IQGAP1: variants seen among roughly 807,000 people sequenced by gnomAD.
The protein encoded by IQGAP1 is IQ motif containing GTPase activating protein 1.
A neutral mutation model predicts 215.6 loss-of-function variants in IQGAP1; 66 were observed. The ratio of observed to expected loss-of-function variants is 0.31; its 90% CI spans 0.25 to 0.38. The LOEUF (loss-of-function observed/expected upper bound fraction) is 0.38. Ranked by LOEUF, IQGAP1 falls within the 10% of genes least tolerant of loss-of-function variation. The probability of loss-of-function intolerance (pLI) is 1.00; values close to 1 mark genes in which losing one functional copy is unlikely to be tolerated. For synonymous variants in IQGAP1, 772 were observed against 728.7 expected, an observed-to-expected ratio of 1.06 and a Z score of -0.96; for missense variants, 1,712 against 1,997.1, an observed-to-expected ratio of 0.86 and a Z score of 2.72.
At chr15:90,439,293 A>G in intron 5 of IQGAP1, 39 bp from the exon 6 acceptor site, 1 of 1,558,444 alleles carries the variant, frequency 6.4e-7, no homozygotes. Context: ...AGCTAGGCAC[A>G]GCTGGGAGGC....
chr15:90,486,922 C>G, intron 31 of IQGAP1, 32 bp from the exon 32 acceptor site: 1 of 1,606,974 alleles, frequency 6.2e-7, no homozygotes, highest in Non-Finnish European at 8.5e-7. Flanking sequence ...CTCTTTATTA[C>G]GCTGACTCTT....
intron 2 of IQGAP1, among the ~76,000 whole-genome samples, chr15:90,407,603 G>T (rs980947016): frequency 6.6e-6 from 1 of 152,156 alleles, no homozygotes; most frequent in Non-Finnish European, 1.5e-5. Context: ...TTTAATGGAA[G>T]ATTGTTATGT....
intron 2 of IQGAP1, among the ~76,000 whole-genome samples, chr15:90,398,665 G>A (rs1964760379): frequency 6.6e-6 from 1 of 152,096 alleles, no homozygotes. Context: ...TTAGCTTACA[G>A]TTGGACAAAA....
intron 5 of IQGAP1, among the ~76,000 whole-genome samples, chr15:90,436,161 ACT>A (rs778760966): frequency 1.3e-5 from 2 of 149,502 alleles, no homozygotes; most frequent in African/African-American, 2.5e-5. Context: ...ATAACATTCC[ACT>A]CTCAGATAAG....
Position 90,483,536 on chromosome 15 carries a change from A to G in IQGAP1, c.3731A>G (p.Asp1244Gly). The part of the protein sequence containing the change: ...HAASNKMFLG[D>G]NAHLSIINEY... ...GCTTCCAATAAGATGTTTCTGGGAGATAATGCCCACTTAAGCATCATTAAT... is the reference window on the plus strand; with the variant it reads ...GCTTCCAATAAGATGTTTCTGGGAGGTAATGCCCACTTAAGCATCATTAAT... Residue 1244 changes from aspartate (D) to glycine (G), a missense_variant, in exon 29 of 38, where the codon GAT becomes GGT. Around this residue, in one of 2 missense-constraint regions of IQGAP1, gnomAD observed 691 missense variants for 923.0 expected, o/e 0.75. Coordinates refer to ENST00000268182, the MANE Select transcript of IQGAP1 (RefSeq NM_003870.4). The G allele has an allele frequency of 6.2e-7, 1 of 1,614,180 alleles. No homozygotes were observed. The highest frequency in any genetic ancestry group is 8.5e-7 in the Non-Finnish European group (1 of 1,180,026).
rs1405614337 is a variant in IQGAP1, at chr15:90,454,490, C to G, written c.1550C>G (p.Thr517Arg). Residue 517 changes from threonine (T) to arginine (R), a missense_variant, in exon 14 of 38, where the codon ACA becomes AGA. Thr to Arg is a moderately conservative substitution (Grantham distance 71). Coordinates refer to ENST00000268182, the MANE Select transcript of IQGAP1 (RefSeq NM_003870.4). ...QAHAENNEFI[T>R]WNDIQACVDH... ...CATGCAGAGAATAATGAATTCATTA[C>G]ATGGAATGATATCCAAGCTTGCGTG... The G allele has an allele frequency of 6.2e-7, 1 of 1,611,638 alleles. No individual in the cohort carries two copies. Among genetic ancestry groups the G allele is most frequent in the Admixed American group, 1.7e-5 (1 of 59,486 alleles).
chr15:90,440,073 A>T (rs1965426984), intron 6 of IQGAP1, among the ~76,000 whole-genome samples: 1 of 152,234 alleles, frequency 6.6e-6, no homozygotes, highest in South Asian at 2.1e-4. Flanking sequence ...ACCAGACCTT[A>T]CATGTTTTCT....
At chr15:90,425,914 G>A (rs1441223937) in intron 2 of IQGAP1, among the ~76,000 whole-genome samples, 196 bp from the exon 3 acceptor site, 2 of 152,178 alleles carry the variant, frequency 1.3e-5, no homozygotes, top group African/African-American at 4.8e-5. Flanking sequence ...TTATGCTCAG[G>A]AATTTTCCTA....
chr15:90,441,369 C>A, intron 7 of IQGAP1, 137 bp from the exon 8 acceptor site: 2 of 726,154 alleles, frequency 2.8e-6, no homozygotes, highest in Non-Finnish European at 4.4e-6. Flanking sequence ...TCTTCGAACC[C>A]CAGTTGTTAT....
intron 2 of IQGAP1, among the ~76,000 whole-genome samples, chr15:90,412,742 A>G (rs1040767684): frequency 6.6e-6 from 1 of 152,218 alleles, no homozygotes; most frequent in Admixed American, 6.5e-5. Flanking sequence ...GGAGAAAGAC[A>G]GCCAAATTTG....
In IQGAP1 at chr15:90,484,210, C is replaced by T. The variant is rs1338549716; in HGVS notation, c.3789-10C>T. The T allele has an allele frequency of 4.3e-6, 7 of 1,612,738 alleles. No individual in the cohort carries two copies. The South Asian group carries it at 7.7e-5, about 18-fold the overall frequency. ...CCTTTTTGGGGGGCTGCCTCCTGTG[C>T]TTATTTCAGACGGTTTTTCCAAACT... On this transcript the variant is annotated splice_polypyrimidine_tract_variant and intron_variant, in intron 29 of 37. Coordinates refer to ENST00000268182, the MANE Select transcript of IQGAP1 (RefSeq NM_003870.4).
Position 90,439,251 on chromosome 15 carries a change from C to T in IQGAP1, c.468-81C>T, listed in dbSNP as rs575204615. 9.4e-6 allele frequency: 9 copies of T among 955,718 alleles called. No individual in the cohort carries two copies. In the African/African-American group the frequency reaches 1.3e-4, roughly 14 times the overall value. The allele number at this position is 955,718 out of a possible 1,614,324, so 59.2% of individuals were successfully genotyped here. A position where few individuals can be genotyped will look rare whatever the true frequency, so the allele number is the denominator to read the frequency against. ...GTGTTCAGAATACTTCTATTTTATA[C>T]TTCATGCTGATTTTCGCCTTTTAAG... On this transcript the variant is annotated intron_variant, in intron 5 of 37. Coordinates refer to ENST00000268182, the MANE Select transcript of IQGAP1 (RefSeq NM_003870.4).
intron 37 of IQGAP1, among the ~76,000 whole-genome samples, chr15:90,498,813 A>AG (rs1470896794): frequency 1.4e-4 from 6 of 44,430 alleles, no homozygotes; most frequent in Non-Finnish European, 2.7e-4. Flanking sequence ...ACGCCCGGCT[A>AG]ATTTTTTTTT....
At chr15:90,447,996 G>A (rs549003620) in intron 9 of IQGAP1, among the ~76,000 whole-genome samples, 2 of 152,246 alleles carry the variant, frequency 1.3e-5, no homozygotes, top group Admixed American at 1.3e-4. Flanking sequence ...AGTGTGTTCA[G>A]GAAGTATCAG....
In IQGAP1 at chr15:90,449,574, C is replaced by A. The variant is rs777675161; in HGVS notation, c.1093C>A (p.Pro365Thr). Residue 365 changes from proline to threonine, a missense_variant, in exon 11 of 38, where the codon CCC becomes ACC. Coordinates refer to ENST00000268182, the MANE Select transcript of IQGAP1 (RefSeq NM_003870.4). ...QQKRQSGQTDPLQKEELQSGV... is the reference protein window; with the variant it reads ...QQKRQSGQTDTLQKEELQSGV... The stretch of plus-strand genomic sequence containing the variant: ...CTTTGCTCAGAGTGGTCAGACTGAC[C>A]CCCTGCAGAAGGAGGAGCTGCAGTC... The A allele has an allele frequency of 6.2e-7, 1 of 1,612,522 alleles. No homozygotes were observed. Among genetic ancestry groups the A allele is most frequent in the South Asian group, 1.1e-5 (1 of 90,724 alleles).
intron 2 of IQGAP1, among the ~76,000 whole-genome samples, chr15:90,401,919 G>A (rs1330886294): frequency 2.6e-5 from 4 of 152,090 alleles, no homozygotes; most frequent in South Asian, 2.1e-4. Context: ...TTTAAAGAGG[G>A]AAAAAAATAG....
At chr15:90,464,070 G>A (rs531347468) in intron 15 of IQGAP1, among the ~76,000 whole-genome samples, 37 of 152,278 alleles carry the variant, frequency 2.4e-4, no homozygotes, top group Middle Eastern at 6.8e-3. Flanking sequence ...GATTTACTAA[G>A]TTCTTTATTC....
Position 90,431,263 on chromosome 15 carries a change from G to A in IQGAP1, c.390+1597G>A, listed in dbSNP as rs147986998. Reference sequence around the variant, plus strand: ...TCTTCCTTGCCACTGGTATGTTTGAGAATTAGGCCCCACAATTGTTAGGAA... The same window carrying A: ...TCTTCCTTGCCACTGGTATGTTTGAAAATTAGGCCCCACAATTGTTAGGAA... On this transcript the variant is annotated intron_variant, in intron 4 of 37. Transcript: ENST00000268182. 10 of 151,978 alleles carry A rather than the reference G, an allele frequency of 6.6e-5. No individual in the cohort carries two copies. In the East Asian group the frequency reaches 1.9e-3, roughly 29 times the overall value. 9.4% of individuals were successfully genotyped at this position (151,978 alleles called of 1,614,324 possible).
At chr15:90,472,795 A>G (rs758823363) in intron 18 of IQGAP1, 45 bp from the exon 19 acceptor site, 22 of 1,561,368 alleles carry the variant, frequency 1.4e-5, no homozygotes, top group Non-Finnish European at 1.8e-5. Flanking sequence ...ACCTGCATCC[A>G]TTCTTGCCTG....
Sources: gnomAD v4.1 joint callset for allele counts (sites outside exome capture counted in the v4.1 genomes callset) on GRCh38, gnomAD v4.1.1 for gene constraint, gnomAD v4.1.1 regional missense constraint, MANE v1.5 for transcripts, NCBI Gene and HGNC (gene_info 2026-07-23, HGNC 2026-07-21) for gene names.